PHACTR2: variants seen among roughly 807,000 people sequenced by gnomAD.
PHACTR2 encodes phosphatase and actin regulator 2.
PHACTR2 carries 30 observed loss-of-function variants against 76.0 expected under a neutral mutation model. That is an observed-to-expected ratio of 0.39 (90% CI 0.30 to 0.54). The LOEUF (loss-of-function observed/expected upper bound fraction) is 0.54. Ranked by LOEUF, PHACTR2 falls within the 20% of genes least tolerant of loss-of-function variation. The pLI is 0.61. For missense variants in PHACTR2, 696 were observed against 781.1 expected, an observed-to-expected ratio of 0.89 and a Z score of 1.30; for synonymous variants, 292 against 292.5, an observed-to-expected ratio of 1.00 and a Z score of 0.02.
chr6:143,719,813 C>CTTTT lies in PHACTR2; in HGVS notation c.214+7646_214+7649dup, dbSNP rs10675688. ...AGGGCTTCTTGCTTTGTGTTCGACA[C>CTTTT]TTTTTTTTTTTTTTTTTTTGAGACA... On this transcript the variant is annotated intron_variant, in intron 2 of 12. Coordinates refer to ENST00000440869, the MANE Select transcript of PHACTR2 (RefSeq NM_001100164.2). Among the ~76,000 whole-genome samples, 659 of 94,802 alleles carry CTTTT rather than the reference C, an allele frequency of 7.0e-3. 59 individuals carry two copies. Among genetic ancestry groups the CTTTT allele is most frequent in the African/African-American group, 0.021 (440 of 20,972 alleles). 62.2% of individuals were successfully genotyped at this position (94,802 alleles called of 152,430 possible). A position where few individuals can be genotyped will look rare whatever the true frequency, so the allele number is the denominator to read the frequency against.
rs1582781156 is a variant in PHACTR2, at chr6:143,695,824, G to A, written c.47-16192G>A. Among the ~76,000 whole-genome samples the A allele has an allele frequency of 6.6e-6, 1 of 152,170 alleles. No homozygotes were observed. Among genetic ancestry groups the A allele is most frequent in the African/African-American group, 2.4e-5 (1 of 41,428 alleles). ...TAGATTGTGACATTAGGCACATGTG[G>A]AAACAACAGTAAAATGCAACTTCCT... is the stretch of plus-strand genomic sequence containing the variant. On this transcript the variant is annotated intron_variant, in intron 1 of 12. Transcript: ENST00000440869. This position sits in a 1 kb window ranked among gnomAD's most constrained non-coding sequence, Gnocchi z 4.4.
chr6:143,724,747 C>T (rs1229372872), intron 2 of PHACTR2, among the ~76,000 whole-genome samples: 1 of 152,300 alleles, frequency 6.6e-6, no homozygotes, highest in African/African-American at 2.4e-5. Flanking sequence ...TGGTTTGTGC[C>T]AGCTATGTCA....
At chr6:143,762,959 C>G (rs546170871) in intron 5 of PHACTR2, among the ~76,000 whole-genome samples, 7 of 152,248 alleles carry the variant, frequency 4.6e-5, no homozygotes, top group African/African-American at 1.4e-4. Flanking sequence ...TAAGAAGATT[C>G]TTTAAGAAAA....
At chr6:143,702,072 C>T (rs1324505898) in intron 1 of PHACTR2, among the ~76,000 whole-genome samples, 20 of 151,594 alleles carry the variant, frequency 1.3e-4, no homozygotes. Flanking sequence ...GTGGTCAAAA[C>T]CCAGAACAAT....
intron 9 of PHACTR2, among the ~76,000 whole-genome samples, chr6:143,781,212 G>A (rs1232217614): frequency 6.6e-6 from 1 of 152,124 alleles, no homozygotes; most frequent in Non-Finnish European, 1.5e-5. Context: ...TTTTGAACAT[G>A]GAAAACTTAA....
At position 143,774,080 on chromosome 6, in the gene PHACTR2, G is replaced by C. The variant is rs767453110; in HGVS notation, c.1454G>C (p.Arg485Pro). ...TCAGGTGCTTTGGCAAGTAAAATAC[G>C]CCGGAGGGATACTCTTGCTATCAAA... is the stretch of plus-strand genomic sequence containing the variant. ...SGESALASKI[R>P]RRDTLAIKLG... Residue 485 changes from arginine (R) to proline (P), a missense_variant, in exon 8 of 13, where the codon CGC becomes CCC. Transcript: ENST00000440869. This position sits in a 1 kb window ranked among gnomAD's most constrained non-coding sequence, Gnocchi z 5.4. The C allele has an allele frequency of 7.4e-6, 12 of 1,613,338 alleles. No homozygotes were observed. The African/African-American group carries it at 1.3e-4, about 18-fold the overall frequency.
rs1393273221 is a variant in PHACTR2 at position 143,784,096 on chromosome 6, TA to T, written c.1707+820del. Among the ~76,000 whole-genome samples, 1 of 152,156 alleles carries T rather than the reference TA, an allele frequency of 6.6e-6. No individual in the cohort carries two copies. Among genetic ancestry groups the T allele is most frequent in the Non-Finnish European group, 1.5e-5 (1 of 68,028 alleles). On this transcript the variant is annotated intron_variant, in intron 10 of 12. Coordinates refer to ENST00000440869, the MANE Select transcript of PHACTR2 (RefSeq NM_001100164.2). The surrounding 1 kb of genome is among the most constrained non-coding windows in gnomAD (Gnocchi z 4.5). ...TTTAATTATGATAAAAATTATTTCT[TA>T]AAATGCTCACACTTTCCATTTAGTG...
chr6:143,701,848 T>G (rs1268703076), intron 1 of PHACTR2, among the ~76,000 whole-genome samples: 1 of 152,204 alleles, frequency 6.6e-6, no homozygotes, highest in South Asian at 2.1e-4. Context: ...TAGGTCTTAA[T>G]GTGACCTACA....
Position 143,780,210 on chromosome 6 carries a change from T to C in PHACTR2, c.1645+2827T>C, listed in dbSNP as rs1775393902. ...ACAGTAAATCCGCATATATCTACCATCTATAGTCTGTCATTAACATCTTGC... is the reference window on the plus strand; with the variant it reads ...ACAGTAAATCCGCATATATCTACCACCTATAGTCTGTCATTAACATCTTGC... On this transcript the variant is annotated intron_variant, in intron 9 of 12. Coordinates refer to ENST00000440869, the MANE Select transcript of PHACTR2 (RefSeq NM_001100164.2). This position sits in a 1 kb window ranked among gnomAD's most constrained non-coding sequence, Gnocchi z 4.4. 6.6e-6 allele frequency among the ~76,000 whole-genome samples: 1 copy of C among 152,156 alleles called. No homozygotes were observed. Among genetic ancestry groups the C allele is most frequent in the South Asian group, 2.1e-4 (1 of 4,832 alleles).
chr6:143,789,637 A>G lies in PHACTR2; in HGVS notation c.1845+727A>G, dbSNP rs78042306. Among the ~76,000 whole-genome samples, 2,210 of 152,300 alleles carry G rather than the reference A, an allele frequency of 0.015. 61 individuals carry two copies. Among genetic ancestry groups the G allele is most frequent in the African/African-American group, 0.049 (2,054 of 41,550 alleles). On this transcript the variant is annotated intron_variant, in intron 11 of 12. Transcript: ENST00000440869. The surrounding 1 kb of genome is among the most constrained non-coding windows in gnomAD (Gnocchi z 5.1). The stretch of plus-strand genomic sequence containing the variant: ...GTTCTAATTTTTATCTCTTAGCAAA[A>G]TCTGGTATTGAATAAACTCGTGCTA...
chr6:143,762,478 AAAC>A (rs1331676419), intron 5 of PHACTR2, among the ~76,000 whole-genome samples: 7 of 152,370 alleles, frequency 4.6e-5, no homozygotes, highest in Admixed American at 1.3e-4. Context: ...ATCACAGAGA[AAAC>A]AGGGGTTGCA....
In PHACTR2 at chr6:143,754,301, T is replaced by G. The variant is rs1458070638; in HGVS notation, c.454+389T>G. Among the ~76,000 whole-genome samples the G allele has an allele frequency of 6.6e-6, 1 of 152,212 alleles. No individual in the cohort carries two copies. The highest frequency in any genetic ancestry group is 1.5e-5 in the Non-Finnish European group (1 of 68,038). On this transcript the variant is annotated intron_variant, in intron 4 of 12. Transcript: ENST00000440869. This position sits in a 1 kb window ranked among gnomAD's most constrained non-coding sequence, Gnocchi z 6.2. ...AATTGGACCCGTGAGCAGTTCAGCA[T>G]GGAGGAATATCAAAACCCACATGGC...
At chr6:143,740,889 C>G (rs915945073) in intron 2 of PHACTR2, among the ~76,000 whole-genome samples, 2 of 152,190 alleles carry the variant, frequency 1.3e-5, no homozygotes, top group Non-Finnish European at 2.9e-5. Flanking sequence ...CAGGTTCCTA[C>G]TGTGTGACTG....
intron 1 of PHACTR2, among the ~76,000 whole-genome samples, chr6:143,692,791 T>G (rs1470870583): frequency 6.6e-6 from 1 of 152,256 alleles, no homozygotes; most frequent in African/African-American, 2.4e-5. Flanking sequence ...GACATGTTAA[T>G]AAATAACTTT....
chr6:143,645,348 G>A (rs558960574), intron 1 of PHACTR2, among the ~76,000 whole-genome samples: 38 of 152,058 alleles, frequency 2.5e-4, no homozygotes, highest in African/African-American at 8.7e-4. Context: ...GCCATGAAAA[G>A]GAGTGAGTTA....
At chr6:143,631,926 C>T (rs1005325400) in intron 1 of PHACTR2, among the ~76,000 whole-genome samples, 1 of 152,144 alleles carries the variant, frequency 6.6e-6, no homozygotes, top group African/African-American at 2.4e-5. Context: ...ATGACTATAT[C>T]TGTTATAGTA....
Position 143,809,663 on chromosome 6 carries a change from T to G in PHACTR2, c.1922+2530T>G, listed in dbSNP as rs1776136171. ...CAGGTATCCACTAGTAAAAGCTTGA[T>G]GTAGATCCTTTTAGATGTTTTTCCA... On this transcript the variant is annotated intron_variant, in intron 12 of 12. Coordinates refer to ENST00000440869, the MANE Select transcript of PHACTR2 (RefSeq NM_001100164.2). This position sits in a 1 kb window ranked among gnomAD's most constrained non-coding sequence, Gnocchi z 4.2. Among the ~76,000 whole-genome samples, 2 of 152,114 alleles carry G rather than the reference T, an allele frequency of 1.3e-5. No homozygotes were observed. The highest frequency in any genetic ancestry group is 4.1e-4 in the South Asian group (2 of 4,830).
Position 143,750,510 on chromosome 6 carries a change from T to C in PHACTR2, c.295+1445T>C, listed in dbSNP as rs978799561. 6.6e-6 allele frequency among the ~76,000 whole-genome samples: 1 copy of C among 152,188 alleles called. No homozygotes were observed. Among genetic ancestry groups the C allele is most frequent in the African/African-American group, 2.4e-5 (1 of 41,456 alleles). On this transcript the variant is annotated intron_variant, in intron 3 of 12. Coordinates refer to ENST00000440869, the MANE Select transcript of PHACTR2 (RefSeq NM_001100164.2). This position sits in a 1 kb window ranked among gnomAD's most constrained non-coding sequence, Gnocchi z 4.6. ...TTAGACATCGTTTATTTAGAAATAT[T>C]TTAAAGAAAGTACAAAATGGAAAAT... is the stretch of plus-strand genomic sequence containing the variant.
Position 143,789,038 on chromosome 6 carries a change from T to C in PHACTR2, c.1845+128T>C. ...AAATATTACAACAGTTTTCTGCCTC[T>C]GATTATTTAAGCCACTTAAGTGATA... is the stretch of plus-strand genomic sequence containing the variant. On this transcript the variant is annotated intron_variant, in intron 11 of 12. Transcript: ENST00000440869. The surrounding 1 kb of genome is among the most constrained non-coding windows in gnomAD (Gnocchi z 5.1). The C allele has an allele frequency of 1.3e-6, 1 of 765,520 alleles. No individual in the cohort carries two copies. The highest frequency in any genetic ancestry group is 2.1e-6 in the Non-Finnish European group (1 of 480,146). 47.4% of individuals were successfully genotyped at this position (765,520 alleles called of 1,614,324 possible).
Sources: gnomAD v4.1 joint callset for allele counts (sites outside exome capture counted in the v4.1 genomes callset) on GRCh38, gnomAD v4.1.1 for gene constraint, Gnocchi (gnomAD v3.1) non-coding constraint, MANE v1.5 for transcripts, NCBI Gene and HGNC (gene_info 2026-07-23, HGNC 2026-07-21) for gene names.